NCALD: variants seen among roughly 807,000 people sequenced by gnomAD.
NCALD encodes the protein neurocalcin-delta.
In NCALD, 10 loss-of-function variants were observed where a neutral mutation model predicts 18.6. The observed-to-expected ratio is 0.54, with a 90% confidence interval of 0.33 to 0.91. NCALD has a LOEUF of 0.91. NCALD is among the 40% of genes least tolerant of loss of function. The pLI, the probability that NCALD is intolerant of heterozygous loss-of-function variation, is 0.03. For synonymous variants in NCALD, 88 were observed against 87.4 expected (o/e 1.01, Z -0.04); for missense variants, 184 against 247.6 (o/e 0.74, Z 1.72).
intron 1 of NCALD, among the ~76,000 whole-genome samples, chr8:101,753,972 A>G (rs1299683927): frequency 6.6e-6 from 1 of 152,196 alleles, no homozygotes; most frequent in Non-Finnish European, 1.5e-5. Context: ...TAAATAGGAA[A>G]AGAGAAGGAT....
intron 3 of NCALD, among the ~76,000 whole-genome samples, chr8:101,896,193 G>C (rs1221684748): frequency 0.064 from 9,566 of 150,590 alleles, 628 homozygotes; most frequent in African/African-American, 0.17. Flanking sequence ...CAGAACAGAG[G>C]CCTCAGAAGT....
chr8:101,801,028 TGAAG>T (rs1398121697), intron 4 of NCALD, among the ~76,000 whole-genome samples: 1 of 102,992 alleles, frequency 9.7e-6, no homozygotes, highest in Non-Finnish European at 2.0e-5. Flanking sequence ...AGGGAAAGGA[TGAAG>T]GAAAGAAAAG....
intron 2 of NCALD, among the ~76,000 whole-genome samples, chr8:101,948,755 G>A (rs538252348): frequency 1.1e-4 from 17 of 152,272 alleles, no homozygotes; most frequent in Middle Eastern, 3.4e-3. Context: ...AGTGCAGGGC[G>A]GAGGTTACCC....
At chr8:102,111,847 T>C (rs1825650828) in intron 1 of NCALD, among the ~76,000 whole-genome samples, 1 of 152,048 alleles carries the variant, frequency 6.6e-6, no homozygotes, top group East Asian at 1.9e-4. Flanking sequence ...TTCACAAAAA[T>C]CTTTACGTAA....
intron 4 of NCALD, among the ~76,000 whole-genome samples, chr8:101,826,775 T>C (rs1813953934): frequency 6.6e-6 from 1 of 152,234 alleles, no homozygotes; most frequent in African/African-American, 2.4e-5. Context: ...GGCTTAACAA[T>C]TCGGCAGGCA....
chr8:102,000,063 G>A (rs1363342848), intron 2 of NCALD, among the ~76,000 whole-genome samples: 2 of 152,230 alleles, frequency 1.3e-5, no homozygotes, highest in Non-Finnish European at 2.9e-5. Context: ...AGCGCACCGA[G>A]CGTGAGCCGA....
At chr8:101,799,188 T>C (rs1812747886) in intron 4 of NCALD, among the ~76,000 whole-genome samples, 1 of 151,380 alleles carries the variant, frequency 6.6e-6, no homozygotes, top group East Asian at 1.9e-4. Context: ...CAAACAAGTA[T>C]AAAAAAAAAT....
chr8:102,011,940 C>A (rs1821916757), intron 2 of NCALD, among the ~76,000 whole-genome samples: 1 of 152,040 alleles, frequency 6.6e-6, no homozygotes. Context: ...CATGGAAAAA[C>A]AAAAGGGTCT....
chr8:101,840,893 A>G (rs1318003153), intron 4 of NCALD, among the ~76,000 whole-genome samples: 1 of 152,210 alleles, frequency 6.6e-6, no homozygotes, highest in East Asian at 1.9e-4. Context: ...CTACTGTTTG[A>G]AATTATTAAA....
chr8:101,763,240 G>T (rs1701350169), intron 1 of NCALD, among the ~76,000 whole-genome samples: 2 of 152,160 alleles, frequency 1.3e-5, no homozygotes, highest in African/African-American at 4.8e-5. Context: ...TTCAAATATG[G>T]TGTTCTGGAA....
intron 2 of NCALD, among the ~76,000 whole-genome samples, chr8:101,999,844 G>C (rs1274446831): frequency 6.6e-6 from 1 of 152,014 alleles, no homozygotes; most frequent in Non-Finnish European, 1.5e-5. Flanking sequence ...CCTAGAGTTT[G>C]ATTCACTATA....
At chr8:102,106,466 T>TATATATATATATATATATAC (rs1554598545) in intron 1 of NCALD, among the ~76,000 whole-genome samples, 1 of 139,088 alleles carries the variant, frequency 7.2e-6, no homozygotes, top group African/African-American at 2.8e-5. Context: ...TATATATATA[T>TATATATATATATATATATAC]ACACACACAC....
intron 4 of NCALD, among the ~76,000 whole-genome samples, chr8:101,810,327 T>C (rs1813260176): frequency 6.6e-6 from 1 of 152,184 alleles, no homozygotes; most frequent in South Asian, 2.1e-4. Context: ...ACGGTGGTTA[T>C]AAGGAGTAAT....
chr8:102,045,819 T>C (rs1463569914), intron 1 of NCALD, among the ~76,000 whole-genome samples: 1 of 152,216 alleles, frequency 6.6e-6, no homozygotes, highest in Non-Finnish European at 1.5e-5. Context: ...ACTAAACTGA[T>C]TCCATAATCA....
intron 1 of NCALD, among the ~76,000 whole-genome samples, chr8:102,081,851 T>C (rs1325454931): frequency 6.6e-6 from 1 of 152,354 alleles, no homozygotes; most frequent in East Asian, 1.9e-4. Flanking sequence ...GGGACCCCTC[T>C]GGCTGCTGGA....
At chr8:102,004,243 A>C (rs1303567314) in intron 2 of NCALD, among the ~76,000 whole-genome samples, 12 of 152,258 alleles carry the variant, frequency 7.9e-5, no homozygotes, top group African/African-American at 2.9e-4. Context: ...CAACAGACAA[A>C]GAGAGAGCCA....
chr8:101,934,142 G>A (rs1013110750), intron 2 of NCALD, among the ~76,000 whole-genome samples: 1 of 152,200 alleles, frequency 6.6e-6, no homozygotes, highest in African/African-American at 2.4e-5. Context: ...ACTAGGTGCA[G>A]GGATACAAAA....
intron 1 of NCALD, among the ~76,000 whole-genome samples, chr8:102,082,548 A>G (rs1824585596): frequency 6.6e-6 from 1 of 152,104 alleles, no homozygotes. Context: ...CCCATTCCAG[A>G]TGGTCAAATA....
At chr8:101,739,487 T>C (rs1378207839) in intron 1 of NCALD, among the ~76,000 whole-genome samples, 1 of 152,154 alleles carries the variant, frequency 6.6e-6, no homozygotes, top group Non-Finnish European at 1.5e-5. Flanking sequence ...AAGATTAACA[T>C]TTGAGTCAGT....
Sources: gnomAD v4.1 joint callset for allele counts (sites outside exome capture counted in the v4.1 genomes callset) on GRCh38, gnomAD v4.1.1 for gene constraint, MANE v1.5 for transcripts, NCBI Gene and HGNC (gene_info 2026-07-23, HGNC 2026-07-21) for gene names.